The following LRP1B variants were observed in gnomAD, a reference collection of about 807,000 sequenced individuals.
LRP1B encodes low-density lipoprotein receptor-related protein 1B.
LRP1B carries 217 observed loss-of-function variants against 556.6 expected under a neutral mutation model. The observed-to-expected ratio is 0.39, with a 90% CI of 0.35 to 0.44. The LOEUF (loss-of-function observed/expected upper bound fraction) is 0.44, where lower values mean the gene tolerates loss of function less well. Among genes scored for constraint, LRP1B ranks in the 20% least tolerant of loss-of-function variants. The probability of loss-of-function intolerance (pLI) is 1.00; values close to 1 mark genes in which losing one functional copy is unlikely to be tolerated. For synonymous variants in LRP1B, 2,047 were observed against 1,865.8 expected, an observed-to-expected ratio of 1.10 and a Z score of -2.50; for missense variants, 5,053 against 5,620.8, an observed-to-expected ratio of 0.90 and a Z score of 3.23.
intron 1 of LRP1B, among the ~76,000 whole-genome samples, chr2:141,909,660 C>G (rs1237118324): frequency 6.7e-6 from 1 of 148,998 alleles, no homozygotes; most frequent in African/African-American, 2.5e-5. Flanking sequence ...AAAAATGACA[C>G]TGAACCACAG....
At chr2:142,107,876 C>T (rs1459734342) in intron 1 of LRP1B, among the ~76,000 whole-genome samples, 3 of 148,172 alleles carry the variant, frequency 2.0e-5, no homozygotes, top group East Asian at 2.0e-4. Flanking sequence ...GAACTCCTGA[C>T]CTCAAGTGAT....
At chr2:141,888,354 G>T (rs1478978782) in intron 1 of LRP1B, among the ~76,000 whole-genome samples, 1 of 152,158 alleles carries the variant, frequency 6.6e-6, no homozygotes, top group Non-Finnish European at 1.5e-5. Flanking sequence ...GAAGGTAAAA[G>T]TTGATAGAAA....
At chr2:141,544,533 G>T (rs1346745890) in intron 2 of LRP1B, among the ~76,000 whole-genome samples, 5 of 150,724 alleles carry the variant, frequency 3.3e-5, no homozygotes, top group Admixed American at 2.0e-4. Context: ...CTCCCACCTT[G>T]GCCTCCCAAA....
At chr2:141,152,836 C>T in intron 7 of LRP1B, among the ~76,000 whole-genome samples, 1 of 151,440 alleles carries the variant, frequency 6.6e-6, no homozygotes, top group Non-Finnish European at 1.5e-5. Flanking sequence ...CTTTTGTATA[C>T]TAATACCAAC....
At chr2:140,319,938 G>A (rs1440653128) in intron 82 of LRP1B, among the ~76,000 whole-genome samples, 1 of 152,060 alleles carries the variant, frequency 6.6e-6, no homozygotes. Context: ...TTAGCTCTCT[G>A]TTACAAATTT....
chr2:140,724,395 C>T (rs1687517018), intron 35 of LRP1B, among the ~76,000 whole-genome samples: 1 of 152,008 alleles, frequency 6.6e-6, no homozygotes, highest in Admixed American at 6.6e-5. Flanking sequence ...AAGGATAGTT[C>T]CAATTTATGA....
rs1680819884 is a variant in LRP1B, at chr2:141,437,810, T to C, written c.343+42586A>G. ...AATAATATGCCCATTCCAAGCATAT[T>C]CAAAATCCTAAACAATTATTTTACA... On this transcript the variant is annotated intron_variant, in intron 3 of 90. Transcript: ENST00000389484. Among the ~76,000 whole-genome samples the C allele has an allele frequency of 3.9e-5, 6 of 152,076 alleles. No individual in the cohort carries two copies. In the South Asian group the frequency reaches 1.2e-3, roughly 32 times the overall value.
chr2:141,419,577 G>A (rs1433013525), intron 3 of LRP1B, among the ~76,000 whole-genome samples: 1 of 152,016 alleles, frequency 6.6e-6, no homozygotes, highest in Non-Finnish European at 1.5e-5. Context: ...ATTGCTCATA[G>A]TCTCTTATAA....
intron 1 of LRP1B, among the ~76,000 whole-genome samples, chr2:141,838,635 GC>G (rs1054885391): frequency 1.3e-5 from 2 of 152,136 alleles, no homozygotes; most frequent in African/African-American, 4.8e-5. Flanking sequence ...GCTTCAGCAT[GC>G]CTCAGTGACT....
At chr2:140,886,018 G>T (rs923953605) in intron 24 of LRP1B, 120 bp downstream of exon 24, 2 of 606,762 alleles carry the variant, frequency 3.3e-6, no homozygotes, top group Non-Finnish European at 5.7e-6. Context: ...CATATATGAG[G>T]GAGGGGATAA....
chr2:141,618,820 A>T (rs1334438779), intron 2 of LRP1B, among the ~76,000 whole-genome samples: 1 of 152,238 alleles, frequency 6.6e-6, no homozygotes, highest in Non-Finnish European at 1.5e-5. Context: ...ATAGGATTAA[A>T]GTGGGTAACT....
At chr2:141,864,051 C>A (rs182412282) in intron 1 of LRP1B, among the ~76,000 whole-genome samples, 1 of 152,132 alleles carries the variant, frequency 6.6e-6, no homozygotes, top group Non-Finnish European at 1.5e-5. Context: ...GAAACAGTTA[C>A]AACATGTTGA....
chr2:140,469,979 CA>C (rs1371796778), intron 60 of LRP1B, among the ~76,000 whole-genome samples: 1 of 152,194 alleles, frequency 6.6e-6, no homozygotes, highest in Non-Finnish European at 1.5e-5. Flanking sequence ...CATATTGCAT[CA>C]AGCACAGTCC....
intron 1 of LRP1B, among the ~76,000 whole-genome samples, chr2:142,015,643 T>A: frequency 6.6e-6 from 1 of 151,858 alleles, no homozygotes; most frequent in East Asian, 1.9e-4. Context: ...AGGGCTAATA[T>A]CCAGAATCTA....
At chr2:141,541,449 T>C (rs1026348803) in intron 2 of LRP1B, among the ~76,000 whole-genome samples, 3 of 152,090 alleles carry the variant, frequency 2.0e-5, no homozygotes, top group African/African-American at 2.4e-5. Context: ...TTCATATTCA[T>C]AGTTAACTAC....
intron 3 of LRP1B, among the ~76,000 whole-genome samples, chr2:141,412,777 A>G (rs1690901580): frequency 6.6e-6 from 1 of 152,230 alleles, no homozygotes; most frequent in Non-Finnish European, 1.5e-5. Flanking sequence ...ACAGATAGAA[A>G]TGATAAATCC....
chr2:141,036,509 G>C (rs1698536390), intron 11 of LRP1B, among the ~76,000 whole-genome samples: 1 of 151,988 alleles, frequency 6.6e-6, no homozygotes, highest in Non-Finnish European at 1.5e-5. Context: ...GCAAGACAAC[G>C]GTCCTGTGAA....
At chr2:141,390,928 A>T (rs1690027143) in intron 3 of LRP1B, among the ~76,000 whole-genome samples, 1 of 152,214 alleles carries the variant, frequency 6.6e-6, no homozygotes, top group African/African-American at 2.4e-5. Flanking sequence ...TCACAATTAA[A>T]AAAAGAAATA....
At chr2:140,892,559 G>A (rs1348965660) in intron 23 of LRP1B, among the ~76,000 whole-genome samples, 2 of 152,082 alleles carry the variant, frequency 1.3e-5, no homozygotes, top group East Asian at 1.9e-4. Flanking sequence ...CGAAGGATGC[G>A]GGAACTTAGT....
Sources: gnomAD v4.1 joint callset for allele counts (sites outside exome capture counted in the v4.1 genomes callset) on GRCh38, gnomAD v4.1.1 for gene constraint, MANE v1.5 for transcripts, NCBI Gene and HGNC (gene_info 2026-07-23, HGNC 2026-07-21) for gene names.